Variants in BPIFB1 observed in about 807,000 individuals in gnomAD.
BPIFB1 encodes the protein BPI fold-containing family B member 1.
Under a neutral mutation model 55.1 loss-of-function variants are expected in BPIFB1, and 34 were observed. The ratio of observed to expected loss-of-function variants is 0.62; its 90% CI spans 0.47 to 0.82. The LOEUF (loss-of-function observed/expected upper bound fraction) is 0.82, where lower values mean the gene tolerates loss of function less well. Ranked by LOEUF, BPIFB1 falls within the 40% of genes least tolerant of loss-of-function variation. The pLI is 0.00. For missense variants in BPIFB1, 532 were observed against 593.1 expected (o/e 0.90, Z 1.07); for synonymous variants, 236 against 245.3 (o/e 0.96, Z 0.35).
chr20:33,298,794 C>CTT lies in BPIFB1; in HGVS notation c.662-1092_662-1091dup, dbSNP rs11421243. The CTT allele has an allele frequency of 3.3e-3, 484 of 146,460 alleles. 3 individuals are homozygous for CTT. Among genetic ancestry groups the CTT allele is most frequent in the African/African-American group, 5.4e-3 (211 of 39,094 alleles). 9.1% of individuals were successfully genotyped at this position (146,460 alleles called of 1,614,324 possible). Reference sequence around the variant, plus strand: ...TCTACCGCCGTTTCTTTCCTTTTTTCTTTTTTTTTTTTTTAATTCCCAAAG... The same window carrying CTT: ...TCTACCGCCGTTTCTTTCCTTTTTTCTTTTTTTTTTTTTTTTAATTCCCAAAG... On this transcript the variant is annotated intron_variant, in intron 7 of 15. Coordinates refer to ENST00000253354, the MANE Select transcript of BPIFB1 (RefSeq NM_033197.3).
chr20:33,304,093 C>T (rs2146535238), intron 12 of BPIFB1, 68 bp downstream of exon 12: 1 of 1,417,896 alleles, frequency 7.1e-7, no homozygotes, highest in East Asian at 2.3e-5. Context: ...CCATGGGTTT[C>T]TTTAAACACC....
chr20:33,288,980 T>C, intron 3 of BPIFB1, 98 bp downstream of exon 3: 1 of 1,365,022 alleles, frequency 7.3e-7, no homozygotes, highest in Non-Finnish European at 9.8e-7. Flanking sequence ...AAGCATCGAC[T>C]TGTGTCAGAT....
chr20:33,305,944 A>AT, intron 13 of BPIFB1, 58 bp from the exon 14 acceptor site: 1 of 1,584,166 alleles, frequency 6.3e-7, no homozygotes, highest in South Asian at 1.1e-5. Flanking sequence ...ACGAAGAATG[A>AT]TGGGGGGGAA....
intron 1 of BPIFB1, among the ~76,000 whole-genome samples, chr20:33,285,427 A>G (rs904176475): frequency 3.0e-5 from 4 of 133,708 alleles, no homozygotes; most frequent in African/African-American, 1.2e-4. Flanking sequence ...AAAATAGCTA[A>G]TACAGGCTGG....
Position 33,303,036 on chromosome 20 carries a change from TCCAG to T in BPIFB1, c.1103_1106del (p.Ser368LeufsTer31), listed in dbSNP as rs1214429440. ...ACTGATCGTGCTGGAAGTGTTTCCC[TCCAG>T]TGAAGCCCTCCGCCCTTTGTTCACC... On this transcript the variant is annotated frameshift_variant, in exon 11 of 16. Transcript: ENST00000253354. LOFTEE classifies it high-confidence loss of function. The T allele has an allele frequency of 2.5e-5, 40 of 1,613,974 alleles. No homozygotes were observed. Among genetic ancestry groups the T allele is most frequent in the Non-Finnish European group, 3.1e-5 (37 of 1,180,038 alleles).
chr20:33,286,225 C>A (rs759439787), intron 2 of BPIFB1, 37 bp downstream of exon 2: 2 of 1,581,328 alleles, frequency 1.3e-6, no homozygotes, highest in South Asian at 1.1e-5. Context: ...TGCCATAAGA[C>A]AAGGGGGTAG....
chr20:33,309,852 C>A lies in BPIFB1; in HGVS notation c.*85C>A. 1 of 1,257,786 alleles carries A rather than the reference C, an allele frequency of 8.0e-7. No individual in the cohort carries two copies. 77.9% of individuals were successfully genotyped at this position (1,257,786 alleles called of 1,614,324 possible). ...TCTATAGACCATCCCTCTCTGCAAT[C>A]AATAAACACTTGCCTGTGATGCCTG... On this transcript the variant is annotated 3_prime_UTR_variant, in exon 16 of 16. Transcript: ENST00000253354. The surrounding 1 kb of genome is among the most constrained non-coding windows in gnomAD (Gnocchi z 4.4).
At chr20:33,295,882 G>T (rs968079261) in intron 6 of BPIFB1, among the ~76,000 whole-genome samples, 1 of 143,524 alleles carries the variant, frequency 7.0e-6, no homozygotes, top group African/African-American at 2.6e-5. Context: ...GATTGGGAAG[G>T]GAAGGAAGGA....
At chr20:33,300,090 A>G (rs756412789) in intron 8 of BPIFB1, 106 bp downstream of exon 8, 46 of 939,200 alleles carry the variant, frequency 4.9e-5, no homozygotes, top group Non-Finnish European at 7.7e-5. Flanking sequence ...AATCCTGGTC[A>G]CCATTAGGAC....
At chr20:33,284,961 G>C (rs1251351626) in intron 1 of BPIFB1, among the ~76,000 whole-genome samples, 2 of 151,934 alleles carry the variant, frequency 1.3e-5, no homozygotes, top group Non-Finnish European at 2.9e-5. Flanking sequence ...CCTTAGTATT[G>C]CAGATTAAGC....
rs370621086 is a variant in BPIFB1, at chr20:33,291,983, A to C, written c.592A>C (p.Asn198His). ...LVPSLPNLVK[N>H]QLCPVIEASF... is the part of the protein sequence containing the mutation. ...GCCATCCCTGCCCAATCTAGTGAAA[A>C]ACCAGGTGAGTGGAATCAGGGCCTC... The change falls in exon 6 of 16, where the codon AAC becomes CAC. Residue 198 changes from asparagine to histidine, a missense_variant. Physicochemically the swap from Asn to His is moderately conservative, Grantham distance 68. Transcript: ENST00000253354. 9.9e-6 allele frequency: 16 copies of C among 1,614,004 alleles called. No homozygotes were observed. The highest frequency in any genetic ancestry group is 1.4e-5 in the Non-Finnish European group (16 of 1,179,994).
intron 3 of BPIFB1, 148 bp from the exon 4 acceptor site, chr20:33,289,737 G>A (rs561100493): frequency 3.8e-4 from 261 of 678,008 alleles, no homozygotes; most frequent in Non-Finnish European, 6.3e-4. Flanking sequence ...AGGGATGGAG[G>A]CAAGACCATC....
intron 1 of BPIFB1, among the ~76,000 whole-genome samples, chr20:33,285,791 G>A (rs1049694578): frequency 6.6e-6 from 1 of 152,048 alleles, no homozygotes. Context: ...CGTGCTAAAT[G>A]CTTTCCAGAT....
In BPIFB1 at chr20:33,288,785, C is replaced by A; in HGVS notation, c.160C>A (p.Gln54Lys). ...GGACCACAACGCCACCAGCATCCTG[C>A]AGCAGCTGCCGCTGCTCAGTGCCAT... ...LKDHNATSIL[Q>K]QLPLLSAMRE... Residue 54 changes from glutamine to lysine, a missense_variant, in exon 3 of 16, where the codon CAG (glutamine) becomes AAG (lysine). By Grantham distance (53) the Gln-to-Lys change is moderately conservative. Coordinates refer to ENST00000253354, the MANE Select transcript of BPIFB1 (RefSeq NM_033197.3). 1 of 1,613,978 alleles carries A rather than the reference C, an allele frequency of 6.2e-7. No individual in the cohort carries two copies. Among genetic ancestry groups the A allele is most frequent in the Admixed American group, 1.7e-5 (1 of 60,028 alleles).
intron 6 of BPIFB1, among the ~76,000 whole-genome samples, chr20:33,293,512 G>A (rs1428311687): frequency 6.6e-6 from 1 of 152,134 alleles, no homozygotes; most frequent in Non-Finnish European, 1.5e-5. Context: ...ATTTTATTAA[G>A]AGTACTTTAA....
At chr20:33,305,935 C>A in intron 13 of BPIFB1, 67 bp from the exon 14 acceptor site, 1 of 1,564,772 alleles carries the variant, frequency 6.4e-7, no homozygotes, top group Non-Finnish European at 8.8e-7. Flanking sequence ...GCCACACCCA[C>A]GAAGAATGAT....
intron 15 of BPIFB1, chr20:33,307,274 G>A: frequency 2.6e-6 from 1 of 380,434 alleles, no homozygotes; most frequent in Non-Finnish European, 4.8e-6. Flanking sequence ...TCTTCTATAG[G>A]CAAGCCATGC....
intron 6 of BPIFB1, among the ~76,000 whole-genome samples, chr20:33,293,419 A>G (rs1455573031): frequency 1.3e-5 from 2 of 152,246 alleles, no homozygotes; most frequent in Non-Finnish European, 2.9e-5. Context: ...AAGTCATTAT[A>G]CAATACTTGT....
chr20:33,299,355 G>A (rs1980768470), intron 7 of BPIFB1: 6 of 358,132 alleles, frequency 1.7e-5, no homozygotes, highest in South Asian at 1.2e-4. Flanking sequence ...TTTGGGGGGA[G>A]CAGAGGAGCC....
Sources: allele counts gnomAD v4.1 joint callset (sites outside exome capture counted in the v4.1 genomes callset), GRCh38; gene constraint gnomAD v4.1.1; non-coding constraint Gnocchi (gnomAD v3.1); transcripts MANE v1.5; gene names NCBI Gene and HGNC (gene_info 2026-07-23, HGNC 2026-07-21).